Variants in FOXO1 observed in about 807,000 individuals in gnomAD.
FOXO1 encodes the protein forkhead box protein O1.
In FOXO1, 6 loss-of-function variants were observed where a neutral mutation model predicts 44.1. That is an observed-to-expected ratio of 0.14 (90% CI 0.07 to 0.27). The LOEUF (loss-of-function observed/expected upper bound fraction) is 0.27, where lower values mean the gene tolerates loss of function less well. Among genes scored for constraint, FOXO1 ranks in the 10% least tolerant of loss-of-function variants. The pLI is 1.00. For synonymous variants in FOXO1, 380 were observed against 362.7 expected, an observed-to-expected ratio of 1.05 and a Z score of -0.54; for missense variants, 737 against 888.8, an observed-to-expected ratio of 0.83 and a Z score of 2.17.
chr13:40,649,862 G>A lies in FOXO1; in HGVS notation c.630+15721C>T, dbSNP rs1250433929. On this transcript the variant is annotated intron_variant, in intron 1 of 2. Transcript: ENST00000379561. ...TTCTTCACCTCTAGTTCAGAATAAA[G>A]CAATCACACCAAAGAATGCAATGGC... Among the ~76,000 whole-genome samples the A allele has an allele frequency of 3.3e-5, 5 of 152,018 alleles. No individual in the cohort carries two copies. In the East Asian group the frequency reaches 9.6e-4, roughly 29 times the overall value.
chr13:40,575,058 A>T (rs1021305305), intron 1 of FOXO1, among the ~76,000 whole-genome samples: 3 of 152,148 alleles, frequency 2.0e-5, no homozygotes, highest in Non-Finnish European at 4.4e-5. Flanking sequence ...TGGGCCAGGC[A>T]TGTTGGCTCA....
intron 1 of FOXO1, among the ~76,000 whole-genome samples, chr13:40,600,473 A>T (rs1211874888): frequency 6.6e-6 from 1 of 152,094 alleles, no homozygotes; most frequent in Non-Finnish European, 1.5e-5. Context: ...CAAAGACTGT[A>T]GCATTAGCAA....
At chr13:40,573,770 A>G (rs958785888) in intron 1 of FOXO1, among the ~76,000 whole-genome samples, 1 of 152,258 alleles carries the variant, frequency 6.6e-6, no homozygotes, top group Non-Finnish European at 1.5e-5. Context: ...TCATTTTAAG[A>G]AAAGTCTTGA....
At chr13:40,578,484 A>T (rs1314680127) in intron 1 of FOXO1, among the ~76,000 whole-genome samples, 1 of 152,114 alleles carries the variant, frequency 6.6e-6, no homozygotes, top group Non-Finnish European at 1.5e-5. Context: ...GACAGTCTTT[A>T]TTCCCAAAGC....
chr13:40,619,421 A>C, intron 1 of FOXO1: 2 of 1,005,572 alleles, frequency 2.0e-6, no homozygotes, highest in Non-Finnish European at 1.6e-6. Flanking sequence ...AATGCAACTC[A>C]AAGTGGACAA....
chr13:40,654,078 G>C (rs1877772258), intron 1 of FOXO1, among the ~76,000 whole-genome samples: 1 of 151,964 alleles, frequency 6.6e-6, no homozygotes. Flanking sequence ...GCCCTTATCA[G>C]ATAAGACAGG....
At chr13:40,665,083 C>T (rs1241671021) in intron 1 of FOXO1, among the ~76,000 whole-genome samples, 1 of 151,782 alleles carries the variant, frequency 6.6e-6, no homozygotes, top group East Asian at 1.9e-4. Flanking sequence ...TGCCTGTCCC[C>T]TCCACCTGCA....
chr13:40,623,632 T>C (rs1876690067), intron 1 of FOXO1, among the ~76,000 whole-genome samples: 1 of 152,152 alleles, frequency 6.6e-6, no homozygotes, highest in African/African-American at 2.4e-5. Context: ...TAGGCTGCAT[T>C]AACAAATGTA....
In FOXO1 at chr13:40,616,884, A is replaced by C. The variant is rs140330684; in HGVS notation, c.630+48699T>G. 4.0e-3 allele frequency among the ~76,000 whole-genome samples: 607 copies of C among 152,276 alleles called. 2 individuals carry two copies. Among genetic ancestry groups the C allele is most frequent in the Non-Finnish European group, 6.9e-3 (471 of 68,018 alleles). On this transcript the variant is annotated intron_variant, in intron 1 of 2. Coordinates refer to ENST00000379561, the MANE Select transcript of FOXO1 (RefSeq NM_002015.4). ...GGAGAAAGGAGCAAGGAACCAGGAA[A>C]CAACGTTCTATTGCAACTCACTTCC...
In FOXO1 at chr13:40,560,572, A is replaced by G; in HGVS notation, c.919T>C (p.Phe307Leu). 1.9e-6 allele frequency: 3 copies of G among 1,614,192 alleles called. No homozygotes were observed. The highest frequency in any genetic ancestry group is 1.7e-6 in the Non-Finnish European group (2 of 1,180,028). ...ASPGSHSNDD[F>L]DNWSTFRPRT... is the part of the protein sequence containing the mutation. The stretch of plus-strand genomic sequence containing the variant: ...GGGCGAAATGTACTCCAGTTATCAA[A>G]GTCATCATTGCTGTGAGAGCCAGGG... The change falls in exon 2 of 3, where the codon TTT (phenylalanine) becomes CTT (leucine). Residue 307 changes from phenylalanine to leucine, a missense_variant. This residue lies in a region of FOXO1 where 136 missense variants were observed against 186.4 expected (regional missense o/e 0.73). Transcript: ENST00000379561. The surrounding 1 kb of genome is among the most constrained non-coding windows in gnomAD (Gnocchi z 5.1).
At chr13:40,611,276 C>T (rs1178216742) in intron 1 of FOXO1, 1 of 313,062 alleles carries the variant, frequency 3.2e-6, no homozygotes. Flanking sequence ...TTACCCAAAA[C>T]TGTGCTAGAG....
chr13:40,606,726 T>G (rs557347412), intron 1 of FOXO1, among the ~76,000 whole-genome samples: 1 of 152,106 alleles, frequency 6.6e-6, no homozygotes, highest in Non-Finnish European at 1.5e-5. Context: ...TTGTCCATAC[T>G]AGACACTACT....
chr13:40,561,688 G>A (rs572453818), intron 1 of FOXO1, among the ~76,000 whole-genome samples: 2 of 151,910 alleles, frequency 1.3e-5, no homozygotes, highest in African/African-American at 4.8e-5. Flanking sequence ...TAGAATATAG[G>A]CCAGGCATGG....
intron 1 of FOXO1, among the ~76,000 whole-genome samples, chr13:40,613,950 A>T (rs1399041805): frequency 6.6e-6 from 1 of 152,240 alleles, no homozygotes; most frequent in African/African-American, 2.4e-5. Flanking sequence ...CTTAAAAAGA[A>T]AAAATAAAGG....
chr13:40,626,481 C>A (rs1434989048), intron 1 of FOXO1, among the ~76,000 whole-genome samples: 1 of 152,216 alleles, frequency 6.6e-6, no homozygotes, highest in African/African-American at 2.4e-5. Context: ...AGTATAGATG[C>A]ATTTTTGCAT....
At chr13:40,640,374 C>A (rs1442253662) in intron 1 of FOXO1, among the ~76,000 whole-genome samples, 1 of 152,244 alleles carries the variant, frequency 6.6e-6, no homozygotes, top group Non-Finnish European at 1.5e-5. Flanking sequence ...ACCACTGCCT[C>A]TGAACTACAC....
chr13:40,590,218 G>A (rs1875317167), intron 1 of FOXO1, among the ~76,000 whole-genome samples: 1 of 152,136 alleles, frequency 6.6e-6, no homozygotes, highest in South Asian at 2.1e-4. Context: ...AGATAAACAA[G>A]AAACCTATTC....
intron 1 of FOXO1, among the ~76,000 whole-genome samples, chr13:40,624,624 G>GT (rs1386132146): frequency 6.6e-6 from 1 of 152,188 alleles, no homozygotes; most frequent in East Asian, 1.9e-4. Context: ...TTGGCGGGGG[G>GT]AGGTGACAGA....
At chr13:40,647,551 T>TGCA (rs1376015625) in intron 1 of FOXO1, among the ~76,000 whole-genome samples, 1 of 152,084 alleles carries the variant, frequency 6.6e-6, no homozygotes, top group Non-Finnish European at 1.5e-5. Flanking sequence ...ATTACAGCCG[T>TGCA]GCACCACCAC....
Sources: allele counts gnomAD v4.1 joint callset (sites outside exome capture counted in the v4.1 genomes callset), GRCh38; gene constraint gnomAD v4.1.1; regional missense constraint gnomAD v4.1.1; non-coding constraint Gnocchi (gnomAD v3.1); transcripts MANE v1.5; gene names NCBI Gene and HGNC (gene_info 2026-07-23, HGNC 2026-07-21).